The following ERBB4 variants were observed in gnomAD, a reference collection of about 807,000 sequenced individuals.
ERBB4 encodes erb-b2 receptor tyrosine kinase 4.
In ERBB4, 42 loss-of-function variants were observed where a neutral mutation model predicts 158.0. The observed-to-expected ratio is 0.27, with a 90% CI of 0.21 to 0.34. The LOEUF (loss-of-function observed/expected upper bound fraction) is 0.34. ERBB4 is among the 10% of genes least tolerant of loss of function. ERBB4 has a pLI of 1.00. For missense variants in ERBB4, 1,333 were observed against 1,624.1 expected, an observed-to-expected ratio of 0.82 and a Z score of 3.08; for synonymous variants, 583 against 558.7, an observed-to-expected ratio of 1.04 and a Z score of -0.61.
chr2:212,284,312 C>A (rs1221014670), intron 1 of ERBB4, among the ~76,000 whole-genome samples: 1 of 152,066 alleles, frequency 6.6e-6, no homozygotes, highest in African/African-American at 2.4e-5. Flanking sequence ...TACTCCCAAG[C>A]CTGCCTCTGA....
At position 212,056,195 on chromosome 2, in the gene ERBB4, T is replaced by G. The variant is rs1313621376; in HGVS notation, c.234+68557A>C. On this transcript the variant is annotated intron_variant, in intron 2 of 27. Transcript: ENST00000342788. ...GGGTATCAGTGATTGAAGATCAAATTAATGAAATGAAGTGAGAAGAGAAGT... is the reference window on the plus strand; with the variant it reads ...GGGTATCAGTGATTGAAGATCAAATGAATGAAATGAAGTGAGAAGAGAAGT... Among the ~76,000 whole-genome samples the G allele has an allele frequency of 3.3e-5, 5 of 152,228 alleles. No individual in the cohort carries two copies. The East Asian group carries it at 9.7e-4, about 29-fold the overall frequency.
At chr2:212,225,815 G>A (rs181851218) in intron 1 of ERBB4, among the ~76,000 whole-genome samples, 15 of 151,788 alleles carry the variant, frequency 9.9e-5, no homozygotes, top group Non-Finnish European at 1.5e-4. Context: ...CCCTATAACA[G>A]GCTGAATCCT....
chr2:212,091,213 A>C (rs2125493009), intron 2 of ERBB4, among the ~76,000 whole-genome samples: 1 of 152,118 alleles, frequency 6.6e-6, no homozygotes, highest in African/African-American at 2.4e-5. Flanking sequence ...AAAAAAAAAA[A>C]AGTACAGAAA....
chr2:212,314,924 T>A (rs1481731294), intron 1 of ERBB4, among the ~76,000 whole-genome samples: 1 of 151,302 alleles, frequency 6.6e-6, no homozygotes, highest in African/African-American at 2.4e-5. Context: ...GAGGCTGAAT[T>A]AATTAACAAT....
intron 16 of ERBB4, among the ~76,000 whole-genome samples, chr2:211,633,632 T>C (rs550977983): frequency 6.8e-6 from 1 of 148,078 alleles, no homozygotes; most frequent in East Asian, 1.9e-4. Flanking sequence ...TTTTTTCTTC[T>C]TGAGGTAATG....
chr2:211,973,561 A>T (rs2081518383), intron 2 of ERBB4, among the ~76,000 whole-genome samples: 1 of 152,216 alleles, frequency 6.6e-6, no homozygotes, highest in African/African-American at 2.4e-5. Flanking sequence ...AATGGCTATT[A>T]TTAAAAAGTC....
intron 1 of ERBB4, among the ~76,000 whole-genome samples, chr2:212,298,223 A>G (rs1425873702): frequency 6.6e-6 from 1 of 151,830 alleles, no homozygotes; most frequent in Non-Finnish European, 1.5e-5. Context: ...AAGATCAATC[A>G]TATTCTATAC....
At chr2:211,927,018 A>G (rs929016485) in intron 3 of ERBB4, among the ~76,000 whole-genome samples, 8 of 152,212 alleles carry the variant, frequency 5.3e-5, no homozygotes, top group African/African-American at 1.9e-4. Flanking sequence ...AAAATTTCAT[A>G]AGCCAAACAT....
intron 20 of ERBB4, among the ~76,000 whole-genome samples, chr2:211,472,853 A>G (rs1260772394): frequency 5.3e-5 from 8 of 151,956 alleles, no homozygotes; most frequent in Non-Finnish European, 1.0e-4. Flanking sequence ...CTCCTGGTTC[A>G]GTAGGTATAG....
At chr2:212,336,599 C>A (rs561356306) in intron 1 of ERBB4, among the ~76,000 whole-genome samples, 2 of 152,130 alleles carry the variant, frequency 1.3e-5, no homozygotes, top group East Asian at 3.9e-4. Flanking sequence ...AAATCACAGA[C>A]AAAATTTTAG....
At chr2:212,145,595 T>C (rs1301354605) in intron 1 of ERBB4, among the ~76,000 whole-genome samples, 1 of 152,112 alleles carries the variant, frequency 6.6e-6, no homozygotes, top group Admixed American at 6.6e-5. Flanking sequence ...TATAGGCCTT[T>C]AGACTTAAGA....
intron 1 of ERBB4, among the ~76,000 whole-genome samples, chr2:212,141,565 A>G (rs1024722824): frequency 6.6e-6 from 1 of 151,672 alleles, no homozygotes; most frequent in African/African-American, 2.4e-5. Flanking sequence ...AAGTTTATCC[A>G]CTCCTTCCCT....
rs1272991080 is a variant in ERBB4 at position 211,953,727 on chromosome 2, T to C, written c.235-6111A>G. On this transcript the variant is annotated intron_variant, in intron 2 of 27. Transcript: ENST00000342788. ...AATACAATCGGATATTATTAAAGCCTTGAATGCTTCAAAACTCTTCTAGCC... is the reference window on the plus strand; with the variant it reads ...AATACAATCGGATATTATTAAAGCCCTGAATGCTTCAAAACTCTTCTAGCC... Among the ~76,000 whole-genome samples, 9 of 152,074 alleles carry C rather than the reference T, an allele frequency of 5.9e-5. 1 individual carries two copies. The highest frequency in any genetic ancestry group is 5.9e-4 in the Admixed American group (9 of 15,222).
intron 2 of ERBB4, among the ~76,000 whole-genome samples, chr2:212,112,915 G>T (rs979807420): frequency 1.1e-4 from 16 of 152,228 alleles, no homozygotes; most frequent in East Asian, 5.8e-4. Context: ...CTTATTATCT[G>T]TTCAAAAAAT....
At chr2:211,867,660 C>T (rs2078243401) in intron 3 of ERBB4, among the ~76,000 whole-genome samples, 1 of 152,084 alleles carries the variant, frequency 6.6e-6, no homozygotes, top group African/African-American at 2.4e-5. Context: ...CCTTGAACTC[C>T]TGGGTGATCA....
chr2:211,818,908 A>AT (rs1217875168), intron 3 of ERBB4, among the ~76,000 whole-genome samples: 2 of 152,128 alleles, frequency 1.3e-5, no homozygotes, highest in Non-Finnish European at 1.5e-5. Flanking sequence ...TTTCAAATGT[A>AT]TTTATAAAAT....
rs374318692 is a variant in ERBB4 at position 211,486,577 on chromosome 2, C to T, written c.2488-55477G>A. ...TCTTACAGCTGTTTTGCTTTTGATA[C>T]GTAACAGGTGATGGGTGTAGGTTCG... On this transcript the variant is annotated intron_variant, in intron 20 of 27. Transcript: ENST00000342788. Among the ~76,000 whole-genome samples, 25 of 152,158 alleles carry T rather than the reference C, an allele frequency of 1.6e-4. 1 individual carries two copies. In the East Asian group the frequency reaches 2.9e-3, roughly 18 times the overall value.
chr2:211,485,794 C>T (rs942935489), intron 20 of ERBB4, among the ~76,000 whole-genome samples: 4 of 151,694 alleles, frequency 2.6e-5, no homozygotes, highest in African/African-American at 9.7e-5. Flanking sequence ...ACCAGCATGG[C>T]ACATATACAT....
At chr2:212,145,552 A>G (rs1268067676) in intron 1 of ERBB4, among the ~76,000 whole-genome samples, 1 of 152,110 alleles carries the variant, frequency 6.6e-6, no homozygotes, top group Non-Finnish European at 1.5e-5. Flanking sequence ...ACATATTGCT[A>G]TTCAGACTTC....
Sources: gnomAD v4.1 joint callset for allele counts (sites outside exome capture counted in the v4.1 genomes callset) on GRCh38, gnomAD v4.1.1 for gene constraint, MANE v1.5 for transcripts, NCBI Gene and HGNC (gene_info 2026-07-23, HGNC 2026-07-21) for gene names.